RBFOX1: variants seen among roughly 807,000 people sequenced by gnomAD.
The protein encoded by RBFOX1 is RNA binding fox-1 homolog 1.
In RBFOX1, 8 loss-of-function variants were observed where a neutral mutation model predicts 57.7. The observed-to-expected ratio is 0.14, with a 90% CI of 0.08 to 0.25. The LOEUF (loss-of-function observed/expected upper bound fraction) is 0.25. Among genes scored for constraint, RBFOX1 ranks in the 10% least tolerant of loss-of-function variants. The pLI is 1.00. For synonymous variants in RBFOX1, 326 were observed against 222.4 expected, an observed-to-expected ratio of 1.47 and a Z score of -4.15; for missense variants, 611 against 548.5, an observed-to-expected ratio of 1.11 and a Z score of -1.14.
intron 3 of RBFOX1, among the ~76,000 whole-genome samples, chr16:6,813,440 T>A (rs545978856): frequency 1.3e-5 from 2 of 152,258 alleles, no homozygotes; most frequent in South Asian, 4.1e-4. Context: ...TGGCTCTAGT[T>A]TGGGGACCCC....
chr16:5,317,942 C>T (rs185326873), intron 1 of RBFOX1, among the ~76,000 whole-genome samples: 1 of 152,074 alleles, frequency 6.6e-6, no homozygotes, highest in Admixed American at 6.5e-5. Context: ...TTCCCCTGTT[C>T]CTAGTGTCTG....
chr16:6,425,897 T>C (rs1300469470), intron 2 of RBFOX1, among the ~76,000 whole-genome samples: 1 of 152,176 alleles, frequency 6.6e-6, no homozygotes, highest in Non-Finnish European at 1.5e-5. Context: ...CCGTGGTATT[T>C]AGTACATTAG....
intron 3 of RBFOX1, among the ~76,000 whole-genome samples, chr16:6,735,154 A>G (rs11077076): frequency 6.7e-6 from 1 of 149,318 alleles, no homozygotes; most frequent in African/African-American, 2.6e-5. Flanking sequence ...GTCTCAACAA[A>G]AACAACAACA....
intron 2 of RBFOX1, among the ~76,000 whole-genome samples, chr16:6,460,282 C>T (rs1322020872): frequency 6.6e-6 from 1 of 152,044 alleles, no homozygotes; most frequent in African/African-American, 2.4e-5. Context: ...GTGTCCTAAT[C>T]TCTTCTTATA....
chr16:5,806,353 G>A (rs1360449016), intron 3 of RBFOX1, among the ~76,000 whole-genome samples: 4 of 152,166 alleles, frequency 2.6e-5, no homozygotes, highest in African/African-American at 7.2e-5. Context: ...ATCCCCACAT[G>A]GTGGATGGGG....
intron 2 of RBFOX1, among the ~76,000 whole-genome samples, chr16:6,358,920 A>G (rs1386291905): frequency 6.6e-6 from 1 of 152,230 alleles, no homozygotes; most frequent in Admixed American, 6.5e-5. Flanking sequence ...CATGAAGGGT[A>G]GCAAAGCTGA....
At chr16:7,035,094 C>G (rs146168140) in intron 3 of RBFOX1, among the ~76,000 whole-genome samples, 1 of 151,634 alleles carries the variant, frequency 6.6e-6, no homozygotes, top group African/African-American at 2.4e-5. Flanking sequence ...GTGATCCACC[C>G]GTCTTGGCCT....
At chr16:6,105,540 C>T (rs2096367926) in intron 1 of RBFOX1, among the ~76,000 whole-genome samples, 1 of 152,168 alleles carries the variant, frequency 6.6e-6, no homozygotes, top group South Asian at 2.1e-4. Flanking sequence ...AAAAATTAAC[C>T]TGTTTTAGAA....
chr16:6,820,829 C>T (rs1235895771), intron 3 of RBFOX1, among the ~76,000 whole-genome samples: 1 of 152,136 alleles, frequency 6.6e-6, no homozygotes, highest in African/African-American at 2.4e-5. Flanking sequence ...TTGGTACTTC[C>T]AAAGAAGCCA....
intron 4 of RBFOX1, among the ~76,000 whole-genome samples, chr16:5,890,177 C>T (rs1056375598): frequency 6.6e-6 from 1 of 152,140 alleles, no homozygotes; most frequent in Admixed American, 6.5e-5. Context: ...GGTGTATGTG[C>T]TTAAGTACGA....
intron 2 of RBFOX1, among the ~76,000 whole-genome samples, chr16:6,470,495 C>G (rs10492829): frequency 0.15 from 22,294 of 152,204 alleles, 2,497 homozygotes; most frequent in East Asian, 0.46. Context: ...GCAAATATGT[C>G]AGTCTTTCTA....
intron 4 of RBFOX1, among the ~76,000 whole-genome samples, chr16:7,508,952 G>C (rs372635838): frequency 9.1e-4 from 138 of 152,322 alleles, no homozygotes; most frequent in African/African-American, 3.2e-3. Context: ...TGACAAGCAA[G>C]AAAGACATGA....
At chr16:6,069,811 A>G (rs1436549406) in intron 1 of RBFOX1, among the ~76,000 whole-genome samples, 1 of 151,968 alleles carries the variant, frequency 6.6e-6, no homozygotes, top group African/African-American at 2.4e-5. Flanking sequence ...ACATGGTGAA[A>G]CCCCATCTCT....
intron 2 of RBFOX1, among the ~76,000 whole-genome samples, chr16:6,531,051 C>G (rs915018707): frequency 2.0e-5 from 3 of 152,190 alleles, no homozygotes; most frequent in South Asian, 2.1e-4. Context: ...TTGAAATGTA[C>G]TAGCAAACTG....
chr16:5,869,101 C>G (rs1195124310), intron 4 of RBFOX1, among the ~76,000 whole-genome samples: 1 of 152,066 alleles, frequency 6.6e-6, no homozygotes, highest in Non-Finnish European at 1.5e-5. Flanking sequence ...AATTCATAAC[C>G]ATGTCTGGCA....
At chr16:6,294,479 G>C (rs1426847581) in intron 1 of RBFOX1, among the ~76,000 whole-genome samples, 1 of 152,192 alleles carries the variant, frequency 6.6e-6, no homozygotes, top group African/African-American at 2.4e-5. Context: ...CTCACTTGCA[G>C]TTTGTGGTCT....
intron 14 of RBFOX1, among the ~76,000 whole-genome samples, chr16:7,698,064 G>A (rs534836259): frequency 1.3e-5 from 2 of 152,200 alleles, no homozygotes; most frequent in East Asian, 1.9e-4. Context: ...TGTGTTCTAG[G>A]TTAATTCACC....
intron 3 of RBFOX1, among the ~76,000 whole-genome samples, chr16:5,654,288 G>C (rs536030502): frequency 1.3e-5 from 2 of 152,274 alleles, no homozygotes; most frequent in African/African-American, 4.8e-5. Context: ...ATCCATATTG[G>C]CTTCTGGGAG....
At chr16:5,610,378 A>C (rs1309123973) in intron 3 of RBFOX1, 1 of 152,264 alleles carries the variant, frequency 6.6e-6, no homozygotes, top group Non-Finnish European at 1.5e-5. Context: ...CCCGTTTAAC[A>C]GAAGAGCAAG....
Sources: allele counts gnomAD v4.1 joint callset (sites outside exome capture counted in the v4.1 genomes callset), GRCh38; gene constraint gnomAD v4.1.1; transcripts MANE v1.5; gene names NCBI Gene and HGNC (gene_info 2026-07-23, HGNC 2026-07-21).